Variants in SPOCK3 observed in about 807,000 individuals in gnomAD.
SPOCK3 encodes the protein testican-3.
Under a neutral mutation model 56.6 loss-of-function variants are expected in SPOCK3, and 30 were observed. The observed-to-expected ratio is 0.53, with a 90% confidence interval of 0.40 to 0.72. SPOCK3 has a LOEUF of 0.72. Ranked by LOEUF, SPOCK3 falls within the 30% of genes least tolerant of loss-of-function variation. The pLI is 0.00. For missense variants in SPOCK3, 527 were observed against 530.0 expected, an observed-to-expected ratio of 0.99 and a Z score of 0.06; for synonymous variants, 196 against 183.3, an observed-to-expected ratio of 1.07 and a Z score of -0.56.
chr4:166,841,118 A>G (rs1489547050), intron 6 of SPOCK3, among the ~76,000 whole-genome samples: 4 of 151,924 alleles, frequency 2.6e-5, no homozygotes, highest in African/African-American at 9.7e-5. Flanking sequence ...TGATTCTTTG[A>G]GAGGAAAGAA....
chr4:166,824,733 C>A (rs1231224106), intron 6 of SPOCK3, among the ~76,000 whole-genome samples: 1 of 152,050 alleles, frequency 6.6e-6, no homozygotes, highest in Admixed American at 6.6e-5. Context: ...TAGAAAGAAT[C>A]TTCACTTTTG....
chr4:167,086,530 T>C (rs1269324353), intron 2 of SPOCK3, among the ~76,000 whole-genome samples: 2 of 152,062 alleles, frequency 1.3e-5, no homozygotes, highest in Non-Finnish European at 2.9e-5. Context: ...ACGGGCTCTG[T>C]GGCTTGAGGA....
intron 2 of SPOCK3, among the ~76,000 whole-genome samples, chr4:167,159,158 C>A (rs1428886868): frequency 6.6e-6 from 1 of 151,842 alleles, no homozygotes; most frequent in African/African-American, 2.4e-5. Context: ...CTTTTATTTT[C>A]TCATCTAAAA....
At chr4:167,205,027 G>A (rs1733900351) in intron 2 of SPOCK3, among the ~76,000 whole-genome samples, 1 of 141,648 alleles carries the variant, frequency 7.1e-6, no homozygotes. Flanking sequence ...TAGAGAAGGT[G>A]TCTTTCTATG....
At chr4:167,097,078 C>T (rs554972700) in intron 2 of SPOCK3, among the ~76,000 whole-genome samples, 2 of 151,458 alleles carry the variant, frequency 1.3e-5, no homozygotes, top group South Asian at 2.1e-4. Flanking sequence ...TATAGTTACT[C>T]TTATTTTATT....
intron 2 of SPOCK3, among the ~76,000 whole-genome samples, chr4:167,221,205 TA>T (rs35978868): frequency 9.3e-4 from 134 of 143,862 alleles, no homozygotes; most frequent in East Asian, 1.2e-3. Context: ...TACAAAAAAT[TA>T]AAAAAAAAAA....
chr4:167,156,362 C>A (rs956680122), intron 2 of SPOCK3, among the ~76,000 whole-genome samples: 1 of 152,120 alleles, frequency 6.6e-6, no homozygotes, highest in Non-Finnish European at 1.5e-5. Flanking sequence ...TAACTTAGAA[C>A]GCTTCCAGAT....
At chr4:167,155,585 A>C (rs1326415257) in intron 2 of SPOCK3, among the ~76,000 whole-genome samples, 1 of 152,356 alleles carries the variant, frequency 6.6e-6, no homozygotes, top group East Asian at 1.9e-4. Flanking sequence ...AACTCATTAA[A>C]GATTGAACAC....
At chr4:166,916,838 C>A (rs80089536) in intron 4 of SPOCK3, among the ~76,000 whole-genome samples, 3,829 of 152,212 alleles carry the variant, frequency 0.025, 139 homozygotes, top group African/African-American at 0.077. Context: ...ATCTTTAATA[C>A]AATTACTTAT....
At chr4:167,089,894 C>T (rs1758551080) in intron 2 of SPOCK3, among the ~76,000 whole-genome samples, 1 of 152,106 alleles carries the variant, frequency 6.6e-6, no homozygotes, top group South Asian at 2.1e-4. Context: ...GAGTACACAG[C>T]TTTTCAATCC....
At chr4:166,748,986 A>C (rs1053089520) in intron 8 of SPOCK3, among the ~76,000 whole-genome samples, 1 of 137,474 alleles carries the variant, frequency 7.3e-6, no homozygotes, top group East Asian at 2.0e-4. Flanking sequence ...GTCAGGAAAC[A>C]ACAGGTGCTG....
chr4:166,957,883 A>G (rs759050495), intron 4 of SPOCK3, among the ~76,000 whole-genome samples: 4 of 152,118 alleles, frequency 2.6e-5, no homozygotes, highest in Non-Finnish European at 5.9e-5. Context: ...TAGGTGGAAG[A>G]GATTAGCTTT....
At chr4:167,151,239 C>A (rs763538465) in intron 2 of SPOCK3, among the ~76,000 whole-genome samples, 1 of 152,046 alleles carries the variant, frequency 6.6e-6, no homozygotes, top group Non-Finnish European at 1.5e-5. Context: ...AGTTAAAATT[C>A]ATTACTCTAA....
intron 2 of SPOCK3, among the ~76,000 whole-genome samples, chr4:167,161,025 A>G (rs1046268726): frequency 2.6e-5 from 4 of 152,308 alleles, no homozygotes; most frequent in South Asian, 2.1e-4. Flanking sequence ...CATGGCAACA[A>G]AAGACAAAAT....
chr4:166,950,796 C>A (rs1247561149), intron 4 of SPOCK3, among the ~76,000 whole-genome samples: 1 of 149,728 alleles, frequency 6.7e-6, no homozygotes, highest in Non-Finnish European at 1.5e-5. Context: ...CAAAACCGCT[C>A]AACTACATGG....
chr4:166,787,693 A>G (rs977090833), intron 7 of SPOCK3, among the ~76,000 whole-genome samples: 2 of 152,184 alleles, frequency 1.3e-5, no homozygotes, highest in African/African-American at 4.8e-5. Context: ...TTCAATTCAC[A>G]TAATTTTAAA....
At chr4:166,928,955 G>A (rs1739420338) in intron 4 of SPOCK3, among the ~76,000 whole-genome samples, 2 of 151,668 alleles carry the variant, frequency 1.3e-5, no homozygotes, top group African/African-American at 2.4e-5. Flanking sequence ...GCGATAGAGT[G>A]AGACTCTGCC....
At chr4:166,924,692 G>A (rs1419203590) in intron 4 of SPOCK3, among the ~76,000 whole-genome samples, 1 of 152,212 alleles carries the variant, frequency 6.6e-6, no homozygotes, top group Non-Finnish European at 1.5e-5. Context: ...TGGCTGGTAA[G>A]TGGAATGGCT....
chr4:166,780,952 C>A (rs554283112), intron 7 of SPOCK3, among the ~76,000 whole-genome samples: 10 of 152,216 alleles, frequency 6.6e-5, no homozygotes, highest in African/African-American at 1.9e-4. Context: ...AAGCACAAGG[C>A]AACCCTATAG....
Sources: gnomAD v4.1 joint callset for allele counts (sites outside exome capture counted in the v4.1 genomes callset) on GRCh38, gnomAD v4.1.1 for gene constraint, MANE v1.5 for transcripts, NCBI Gene and HGNC (gene_info 2026-07-23, HGNC 2026-07-21) for gene names.